The following IGSF22 variants were observed in gnomAD, a reference collection of about 807,000 sequenced individuals.
IGSF22 encodes the protein immunoglobulin superfamily, member 22.
Under a neutral mutation model 127.0 loss-of-function variants are expected in IGSF22, and 119 were observed. The observed-to-expected ratio is 0.94, with a 90% CI of 0.81 to 1.09. The LOEUF (loss-of-function observed/expected upper bound fraction) is 1.09, where lower values mean the gene tolerates loss of function less well. Among genes scored for constraint, IGSF22 ranks in the 50% least tolerant of loss-of-function variants. IGSF22 has a pLI of 0.00. For synonymous variants in IGSF22, 568 were observed against 664.7 expected (o/e 0.85, Z 2.24); for missense variants, 1,518 against 1,716.6 (o/e 0.88, Z 2.04).
intron 1 of IGSF22, 48 bp from the exon 2 acceptor site, chr11:18,724,317 G>A: frequency 1.1e-6 from 1 of 926,324 alleles, no homozygotes. Flanking sequence ...GAGTAGGAGG[G>A]AGATTCAGAG....
rs533400398 is a variant in IGSF22, at chr11:18,706,891, C to G, written c.3580+23G>C. On this transcript the variant is annotated intron_variant, in intron 21 of 22. Coordinates refer to ENST00000513874, the MANE Select transcript of IGSF22 (RefSeq NM_173588.4). ...ACCATCAGGGCACCCAGACTTAACC[C>G]TAACTGCAAGTCCCAGACTCACTCT... The G allele has an allele frequency of 3.6e-4, 523 of 1,469,638 alleles. 7 individuals are homozygous for G. The South Asian group carries it at 6.9e-3, about 19-fold the overall frequency. 91.0% of individuals were successfully genotyped at this position (1,469,638 alleles called of 1,614,324 possible).
Position 18,705,899 on chromosome 11 carries a change from C to G in IGSF22, c.3828G>C (p.Thr1276=), listed in dbSNP as rs1354268342. 2 of 1,551,686 alleles carry G rather than the reference C, an allele frequency of 1.3e-6. No homozygotes were observed. Among genetic ancestry groups the G allele is most frequent in the Admixed American group, 3.9e-5 (2 of 51,008 alleles). ...GVCTLVIPTC[T]LKDSGDYSVL... is the part of the protein sequence containing the mutation. Reference sequence around the variant, plus strand: ...CGCTGTAATCGCCGCTGTCCTTGAGCGTGCAGGTGGGGATGACGAGGGTGC... The same window carrying G: ...CGCTGTAATCGCCGCTGTCCTTGAGGGTGCAGGTGGGGATGACGAGGGTGC... Residue 1276 remains threonine (T), a synonymous_variant, in exon 22 of 23, where the codon ACG becomes ACC. Coordinates refer to ENST00000513874, the MANE Select transcript of IGSF22 (RefSeq NM_173588.4).
At chr11:18,710,242 C>A in intron 17 of IGSF22, 85 bp downstream of exon 17, 1 of 1,555,892 alleles carries the variant, frequency 6.4e-7, no homozygotes. Context: ...TACCTCGTGT[C>A]ATACTTTCCC....
chr11:18,706,001 G>A lies in IGSF22; in HGVS notation c.3726C>T (p.Pro1242=). Residue 1242 remains proline (P), a synonymous_variant, in exon 22 of 23, where the codon CCC becomes CCT. Transcript: ENST00000513874. ...MTCAFLGNPR[P]TVTLYKGDVN... The stretch of plus-strand genomic sequence containing the variant: ...CGTCGCCCTTGTAGAGGGTCACTGT[G>A]GGCCGCGGGTTCCCAAGGAAGGCGC... 6.4e-7 allele frequency: 1 copy of A among 1,551,712 alleles called. No homozygotes were observed. Among genetic ancestry groups the A allele is most frequent in the Non-Finnish European group, 8.7e-7 (1 of 1,146,980 alleles).
At chr11:18,715,026 GACT>G (rs143868607) in intron 11 of IGSF22, among the ~76,000 whole-genome samples, 115,417 of 151,296 alleles carry the variant, frequency 0.76, 44,232 homozygotes, top group East Asian at 0.82. Flanking sequence ...GGGATACATA[GACT>G]GTGGGATACA....
In IGSF22 at chr11:18,716,696, C is replaced by G. The variant is rs766720754; in HGVS notation, c.1246+32G>C. ...GCATGGAGGTTGCTGTGCCATAAAGCCCACCCCTTAGGCTCTTGCCCAACC... is the reference window on the plus strand; with the variant it reads ...GCATGGAGGTTGCTGTGCCATAAAGGCCACCCCTTAGGCTCTTGCCCAACC... On this transcript the variant is annotated intron_variant, in intron 10 of 22. Coordinates refer to ENST00000513874, the MANE Select transcript of IGSF22 (RefSeq NM_173588.4). The surrounding 1 kb of genome is among the most constrained non-coding windows in gnomAD (Gnocchi z 4.5). 1 of 1,604,788 alleles carries G rather than the reference C, an allele frequency of 6.2e-7. No individual in the cohort carries two copies. The highest frequency in any genetic ancestry group is 8.5e-7 in the Non-Finnish European group (1 of 1,172,740).
chr11:18,707,791 C>G lies in IGSF22; in HGVS notation c.3280+13G>C. ...AGGGATGGGTCTTGGAGGCCTCTGCCTTCTCTCCATACCTGCCACGCGCAC... is the reference window on the plus strand; with the variant it reads ...AGGGATGGGTCTTGGAGGCCTCTGCGTTCTCTCCATACCTGCCACGCGCAC... On this transcript the variant is annotated intron_variant, in intron 20 of 22. Transcript: ENST00000513874. 6.4e-7 allele frequency: 1 copy of G among 1,561,904 alleles called. No homozygotes were observed. Among genetic ancestry groups the G allele is most frequent in the Non-Finnish European group, 8.7e-7 (1 of 1,152,562 alleles).
rs933925607 is a variant in IGSF22 at position 18,704,503 on chromosome 11, C to T, written c.3946G>A (p.Glu1316Lys). 3.0e-5 allele frequency: 47 copies of T among 1,550,716 alleles called. No individual in the cohort carries two copies. In the East Asian group the frequency reaches 5.9e-4, roughly 19 times the overall value. Residue 1316 changes from glutamate (E) to lysine (K), a missense_variant, in exon 23 of 23, where the codon GAG (glutamate) becomes AAG (lysine). Around this residue, in one of 3 missense-constraint regions of IGSF22, gnomAD observed 58 missense variants for 53.0 expected, o/e 1.10. Coordinates refer to ENST00000513874, the MANE Select transcript of IGSF22 (RefSeq NM_173588.4). The part of the protein sequence containing the change: ...DDKSVVASIT[E>K]SLQKKSKHLM ...TGCTTTGATTTCTTCTGCAGACTCT[C>T]GGTGATGGATGCTACAACTGACTTA...
chr11:18,704,545 G>A lies in IGSF22; in HGVS notation c.3911-7C>T. On this transcript the variant is annotated splice_region_variant and splice_polypyrimidine_tract_variant and intron_variant, in intron 22 of 22. Coordinates refer to ENST00000513874, the MANE Select transcript of IGSF22 (RefSeq NM_173588.4). ...ACTGACTTATCATCTTTGTCTGAAA[G>A]AGCAAAGGAAGTATTCGTTATATTA... is the stretch of plus-strand genomic sequence containing the variant. 1 of 1,539,448 alleles carries A rather than the reference G, an allele frequency of 6.5e-7. No individual in the cohort carries two copies. The highest frequency in any genetic ancestry group is 8.8e-7 in the Non-Finnish European group (1 of 1,137,276).
intron 2 of IGSF22, among the ~76,000 whole-genome samples, chr11:18,722,389 G>C (rs1848590709): frequency 6.6e-6 from 1 of 152,002 alleles, no homozygotes; most frequent in Non-Finnish European, 1.5e-5. Flanking sequence ...TCCCCCAGTA[G>C]CATTAAGAGG....
At chr11:18,717,798 C>G in intron 9 of IGSF22, 133 bp downstream of exon 9, 6 of 949,466 alleles carry the variant, frequency 6.3e-6, no homozygotes, top group Non-Finnish European at 9.5e-6. Context: ...CCATTGACTC[C>G]CATCCCCACA....
chr11:18,716,436 C>T lies in IGSF22; in HGVS notation c.1246+292G>A, dbSNP rs1157852309. On this transcript the variant is annotated intron_variant, in intron 10 of 22. Transcript: ENST00000513874. This position sits in a 1 kb window ranked among gnomAD's most constrained non-coding sequence, Gnocchi z 4.5. Reference sequence around the variant, plus strand: ...GACACAGATGTGCTGTAATATATGACATTAGAGACATAGACTAATACTTTC... The same window carrying T: ...GACACAGATGTGCTGTAATATATGATATTAGAGACATAGACTAATACTTTC... Among the ~76,000 whole-genome samples the T allele has an allele frequency of 2.0e-5, 3 of 152,162 alleles. No homozygotes were observed. The highest frequency in any genetic ancestry group is 7.2e-5 in the African/African-American group (3 of 41,422).
At chr11:18,705,487 A>G (rs918014903) in intron 22 of IGSF22, 1 of 295,658 alleles carries the variant, frequency 3.4e-6, no homozygotes, top group African/African-American at 2.2e-5. Flanking sequence ...TATTTCCAGA[A>G]CCGTGCCAGA....
chr11:18,716,959 C>G lies in IGSF22; in HGVS notation c.1015G>C (p.Val339Leu). 6.2e-7 allele frequency: 1 copy of G among 1,614,204 alleles called. No homozygotes were observed. Among genetic ancestry groups the G allele is most frequent in the Non-Finnish European group, 8.5e-7 (1 of 1,180,040 alleles). ...AACACAGCTGTCTGGCGCTCTGTCA[C>G]CTTCACAGGCTTCATCTCTCCCAGG... ...KFLGEMKPVK[V>L]TERQTAVFEI... Residue 339 changes from valine to leucine, a missense_variant, in exon 10 of 23, where the codon GTG becomes CTG. Transcript: ENST00000513874. This position sits in a 1 kb window ranked among gnomAD's most constrained non-coding sequence, Gnocchi z 4.5.
intron 4 of IGSF22, 78 bp downstream of exon 4, chr11:18,721,457 T>C: frequency 6.3e-7 from 1 of 1,587,622 alleles, no homozygotes. Context: ...CTCTCATCGG[T>C]GAGAAGACTG....
Position 18,715,544 on chromosome 11 carries a change from T to G in IGSF22, c.1419A>C (p.Ala473=). ...KYSMNHEGKR[A]ELIIEDAQLS... is the part of the protein sequence containing the mutation. ...GCTGTGCATCCTCAATGATCAGCTC[T>G]GCTCGCTTGCCCTCATGGTTCATGC... is the stretch of plus-strand genomic sequence containing the variant. The change falls in exon 11 of 23, where the codon GCA becomes GCC. Residue 473 remains alanine (A), a synonymous_variant. Transcript: ENST00000513874. 1 of 1,613,974 alleles carries G rather than the reference T, an allele frequency of 6.2e-7. No individual in the cohort carries two copies.
At position 18,714,318 on chromosome 11, in the gene IGSF22, C is replaced by A. The variant is rs193141075; in HGVS notation, c.1757G>T (p.Arg586Leu). ...GPEHEGKYTF[R>L]AKGTESEASV... ...GGCTTCACTTTCCGTGCCCTTGGCC[C>A]GGAATGTGTACTTGCCCTCGTGCTC... Residue 586 changes from arginine (R) to leucine (L), a missense_variant, in exon 13 of 23, where the codon CGG becomes CTG. Transcript: ENST00000513874. 12 of 1,614,076 alleles carry A rather than the reference C, an allele frequency of 7.4e-6. No homozygotes were observed. The highest frequency in any genetic ancestry group is 9.3e-6 in the Non-Finnish European group (11 of 1,180,036).
chr11:18,721,760 C>T, intron 3 of IGSF22, 89 bp from the exon 4 acceptor site: 1 of 1,594,002 alleles, frequency 6.3e-7, no homozygotes, highest in South Asian at 1.1e-5. Context: ...TCCTCCCAGA[C>T]ACCTGGGCCT....
intron 22 of IGSF22, among the ~76,000 whole-genome samples, chr11:18,705,060 A>G (rs1848196708): frequency 6.6e-6 from 1 of 152,144 alleles, no homozygotes; most frequent in African/African-American, 2.4e-5. Flanking sequence ...AAAGGTATCT[A>G]TAACTGGATA....
Sources: allele counts gnomAD v4.1 joint callset (sites outside exome capture counted in the v4.1 genomes callset), GRCh38; gene constraint gnomAD v4.1.1; regional missense constraint gnomAD v4.1.1; non-coding constraint Gnocchi (gnomAD v3.1); transcripts MANE v1.5; gene names NCBI Gene and HGNC (gene_info 2026-07-23, HGNC 2026-07-21).